FNBP1: variants seen among roughly 807,000 people sequenced by gnomAD.
The protein encoded by FNBP1 is formin-binding protein 1.
Under a neutral mutation model 90.6 loss-of-function variants are expected in FNBP1, and 26 were observed. The ratio of observed to expected loss-of-function variants is 0.29; its 90% CI spans 0.21 to 0.40. FNBP1 has a LOEUF of 0.40. Ranked by LOEUF, FNBP1 falls within the 10% of genes least tolerant of loss-of-function variation. The probability of loss-of-function intolerance (pLI) is 1.00; values close to 1 mark genes in which losing one functional copy is unlikely to be tolerated. For missense variants in FNBP1, 635 were observed against 768.0 expected (o/e 0.83, Z 2.05); for synonymous variants, 260 against 265.2 (o/e 0.98, Z 0.19).
chr9:129,985,694 G>A (rs945839100), intron 2 of FNBP1, among the ~76,000 whole-genome samples: 3 of 152,126 alleles, frequency 2.0e-5, no homozygotes, highest in African/African-American at 7.2e-5. Context: ...AGGTGTGGTG[G>A]CTCATGCCTA....
intron 10 of FNBP1, among the ~76,000 whole-genome samples, chr9:129,917,062 G>A (rs2040370250): frequency 6.6e-6 from 1 of 152,078 alleles, no homozygotes. Flanking sequence ...GCCCAGGCAG[G>A]AGTGCAGTGG....
intron 6 of FNBP1, among the ~76,000 whole-genome samples, chr9:129,948,091 C>A (rs1588776843): frequency 6.6e-6 from 1 of 151,764 alleles, no homozygotes; most frequent in African/African-American, 2.4e-5. Flanking sequence ...GAGTTCAAGA[C>A]CAGCCTGGGA....
At chr9:129,974,194 T>G (rs1274902800) in intron 4 of FNBP1, among the ~76,000 whole-genome samples, 1 of 151,848 alleles carries the variant, frequency 6.6e-6, no homozygotes, top group Non-Finnish European at 1.5e-5. Flanking sequence ...CTTGAAGGTA[T>G]GTCGAAAAAA....
intron 15 of FNBP1, among the ~76,000 whole-genome samples, chr9:129,898,785 GC>G (rs1221561938): frequency 1.3e-5 from 2 of 152,084 alleles, no homozygotes; most frequent in Non-Finnish European, 2.9e-5. Flanking sequence ...ACTGCACCCA[GC>G]CGCTGCTTGC....
At chr9:129,970,068 GTTTT>G (rs570365365) in intron 4 of FNBP1, among the ~76,000 whole-genome samples, 2 of 140,320 alleles carry the variant, frequency 1.4e-5, no homozygotes, top group Admixed American at 1.4e-4. Flanking sequence ...TTTTGGGTTT[GTTTT>G]TTTTTTGTAT....
At chr9:129,942,121 A>T (rs1325847592) in intron 6 of FNBP1, among the ~76,000 whole-genome samples, 1 of 152,144 alleles carries the variant, frequency 6.6e-6, no homozygotes, top group African/African-American at 2.4e-5. Flanking sequence ...TAGAGAAAAC[A>T]ATTGTCAACC....
Position 129,895,821 on chromosome 9 carries a change from A to C in FNBP1, c.1846+17T>G. The C allele has an allele frequency of 6.4e-7, 1 of 1,551,552 alleles. No homozygotes were observed. Among genetic ancestry groups the C allele is most frequent in the Non-Finnish European group, 8.7e-7 (1 of 1,153,574 alleles). On this transcript the variant is annotated intron_variant, in intron 16 of 16. Transcript: ENST00000446176. ...TAAGTTTTTTTTTTTTATGGTATTA[A>C]ATATAAGTCTTAGCACCTTTGGCAT...
intron 11 of FNBP1, among the ~76,000 whole-genome samples, chr9:129,911,196 C>G (rs1016337427): frequency 2.0e-5 from 3 of 152,150 alleles, no homozygotes; most frequent in Non-Finnish European, 2.9e-5. Flanking sequence ...TATCAGAGCA[C>G]TTTCGACCTC....
chr9:129,911,697 C>T lies in FNBP1; in HGVS notation c.1186-2698G>A, dbSNP rs548947999. ...CCTGTAATCCCAGCACTTTGGGAGGCTGAGGCAGGCAGATCAAAAGGTCAG... is the reference window on the plus strand; with the variant it reads ...CCTGTAATCCCAGCACTTTGGGAGGTTGAGGCAGGCAGATCAAAAGGTCAG... On this transcript the variant is annotated intron_variant, in intron 11 of 16. Coordinates refer to ENST00000446176, the MANE Select transcript of FNBP1 (RefSeq NM_015033.3). Among the ~76,000 whole-genome samples the T allele has an allele frequency of 9.1e-3, 1,379 of 152,170 alleles. 10 individuals are homozygous for T. Among genetic ancestry groups the T allele is most frequent in the Non-Finnish European group, 0.015 (989 of 68,006 alleles).
intron 4 of FNBP1, among the ~76,000 whole-genome samples, chr9:129,968,381 G>A (rs960399666): frequency 1.7e-5 from 2 of 119,526 alleles, no homozygotes; most frequent in African/African-American, 6.6e-5. Context: ...GGCAACAAGA[G>A]CAAAACTCCG....
chr9:130,001,916 T>C (rs1436942710), intron 1 of FNBP1, among the ~76,000 whole-genome samples: 1 of 151,350 alleles, frequency 6.6e-6, no homozygotes, highest in Non-Finnish European at 1.5e-5. Context: ...TAATCCCAGC[T>C]ACTCAGGAGG....
At position 130,006,520 on chromosome 9, in the gene FNBP1, A is replaced by T. The variant is rs564848315; in HGVS notation, c.25-11562T>A. 6.9e-3 allele frequency among the ~76,000 whole-genome samples: 1,047 copies of T among 151,538 alleles called. 14 individuals carry two copies. The highest frequency in any genetic ancestry group is 0.024 in the African/African-American group (1,004 of 41,286). ...AAAAGAAACAAAACAAAACAAAAAA[A>T]CTAGCCAAGCATGGTGGCAGGCGCC... On this transcript the variant is annotated intron_variant, in intron 1 of 16. Coordinates refer to ENST00000446176, the MANE Select transcript of FNBP1 (RefSeq NM_015033.3).
intron 10 of FNBP1, among the ~76,000 whole-genome samples, chr9:129,923,588 A>AG (rs2041439268): frequency 6.6e-6 from 1 of 151,226 alleles, no homozygotes; most frequent in African/African-American, 2.4e-5. Context: ...GAAAAAAAAA[A>AG]AAAAGAAAGA....
the FNBP1 span, among the ~76,000 whole-genome samples, chr9:130,051,970 A>G: frequency 6.6e-6 from 1 of 152,236 alleles, no homozygotes; most frequent in Non-Finnish European, 1.5e-5. Context: ...AGAAGCAGGC[A>G]TAACTTGTTC....
At chr9:130,039,445 C>T (rs1360718305) in intron 1 of FNBP1, among the ~76,000 whole-genome samples, 3 of 152,068 alleles carry the variant, frequency 2.0e-5, no homozygotes, top group East Asian at 1.9e-4. Context: ...GAGGCCGAGG[C>T]GGGCAGATCA....
chr9:129,953,945 C>T lies in FNBP1; in HGVS notation c.513+3415G>A, dbSNP rs182374713. Among the ~76,000 whole-genome samples, 4 of 151,836 alleles carry T rather than the reference C, an allele frequency of 2.6e-5. No individual in the cohort carries two copies. In the East Asian group the frequency reaches 5.8e-4, roughly 22 times the overall value. ...TAAGGCTGGGCACAGTGGTTCATGC[C>T]CATAATCCTAATACTTTAGGAGGCT... On this transcript the variant is annotated intron_variant, in intron 6 of 16. Coordinates refer to ENST00000446176, the MANE Select transcript of FNBP1 (RefSeq NM_015033.3).
chr9:129,925,186 A>G lies in FNBP1; in HGVS notation c.790-29T>C, dbSNP rs759586108. 6.4e-6 allele frequency: 10 copies of G among 1,564,396 alleles called. No homozygotes were observed. The East Asian group carries it at 1.3e-4, about 21-fold the overall frequency. On this transcript the variant is annotated intron_variant, in intron 8 of 16. Coordinates refer to ENST00000446176, the MANE Select transcript of FNBP1 (RefSeq NM_015033.3). The stretch of plus-strand genomic sequence containing the variant: ...AAATTATACCCACAAGCATATAAAT[A>G]CATTCAGAAGCATGCAAACACTTTT...
intron 15 of FNBP1, among the ~76,000 whole-genome samples, chr9:129,898,319 T>G (rs576092119): frequency 6.6e-6 from 1 of 152,292 alleles, no homozygotes; most frequent in African/African-American, 2.4e-5. Flanking sequence ...CACTCTTTAG[T>G]GCCACATTTC....
At chr9:129,947,043 G>A (rs2045401412) in intron 6 of FNBP1, among the ~76,000 whole-genome samples, 1 of 152,300 alleles carries the variant, frequency 6.6e-6, no homozygotes, top group South Asian at 2.1e-4. Flanking sequence ...TCAAAGCAGA[G>A]TGACAGACAA....
Sources: allele counts gnomAD v4.1 joint callset (sites outside exome capture counted in the v4.1 genomes callset), GRCh38; gene constraint gnomAD v4.1.1; transcripts MANE v1.5; gene names NCBI Gene and HGNC (gene_info 2026-07-23, HGNC 2026-07-21).